CCDC30: variants seen among roughly 807,000 people sequenced by gnomAD.
CCDC30 encodes coiled-coil domain-containing protein 30.
In CCDC30, 70 loss-of-function variants were observed where a neutral mutation model predicts 100.2. The ratio of observed to expected loss-of-function variants is 0.70; its 90% CI spans 0.58 to 0.85. The LOEUF (loss-of-function observed/expected upper bound fraction) is 0.85. Ranked by LOEUF, CCDC30 falls within the 40% of genes least tolerant of loss-of-function variation. The pLI is 0.00. For synonymous variants in CCDC30, 233 were observed against 269.5 expected, an observed-to-expected ratio of 0.86 and a Z score of 1.33; for missense variants, 652 against 771.2, an observed-to-expected ratio of 0.85 and a Z score of 1.83.
chr1:42,588,919 G>A (rs1646128923), intron 9 of CCDC30, among the ~76,000 whole-genome samples: 1 of 151,584 alleles, frequency 6.6e-6, no homozygotes, highest in South Asian at 2.1e-4. Flanking sequence ...CAGTGTTAAT[G>A]TGTGCTTATT....
At chr1:42,525,708 AG>A (rs1402782738) in intron 6 of CCDC30, among the ~76,000 whole-genome samples, 1 of 152,196 alleles carries the variant, frequency 6.6e-6, no homozygotes, top group African/African-American at 2.4e-5. Flanking sequence ...CAGTAGGTTA[AG>A]TTACTTGCTG....
At chr1:42,540,804 G>C (rs745369993) in intron 6 of CCDC30, among the ~76,000 whole-genome samples, 1 of 152,062 alleles carries the variant, frequency 6.6e-6, no homozygotes. Flanking sequence ...CACAGTACAA[G>C]TCTCAAAATC....
intron 10 of CCDC30, 24 bp from the exon 15 acceptor site, chr1:42,610,954 T>C: frequency 8.0e-7 from 1 of 1,243,316 alleles, no homozygotes; most frequent in Non-Finnish European, 1.2e-6. Context: ...GTCAGAGTTC[T>C]CATTATTTTT....
At chr1:42,542,995 A>C (rs1169837378) in intron 6 of CCDC30, among the ~76,000 whole-genome samples, 9 of 152,132 alleles carry the variant, frequency 5.9e-5, no homozygotes, top group Admixed American at 5.9e-4. Flanking sequence ...GCATTTTGGA[A>C]TATTTTTTCC....
At chr1:42,627,165 T>G (rs1361432026) in intron 11 of CCDC30, among the ~76,000 whole-genome samples, 1 of 152,170 alleles carries the variant, frequency 6.6e-6, no homozygotes, top group Non-Finnish European at 1.5e-5. Flanking sequence ...GATGAGGAAC[T>G]TGTTGGGAAC....
intron 3 of CCDC30, among the ~76,000 whole-genome samples, chr1:42,489,726 A>C (rs937992794): frequency 1.3e-5 from 2 of 152,116 alleles, no homozygotes; most frequent in African/African-American, 4.8e-5. Context: ...TATTTCCTGA[A>C]ATTTTGTTAT....
chr1:42,476,022 A>G (rs1234138130), intron 1 of CCDC30, among the ~76,000 whole-genome samples: 1 of 152,244 alleles, frequency 6.6e-6, no homozygotes, highest in Non-Finnish European at 1.5e-5. Context: ...TCAATCTCTC[A>G]TATACTGAAT....
chr1:42,574,585 C>T (rs1418802999), intron 7 of CCDC30, among the ~76,000 whole-genome samples: 1 of 152,052 alleles, frequency 6.6e-6, no homozygotes, highest in Admixed American at 6.6e-5. Flanking sequence ...CAAATTTTAG[C>T]TTGTTGATCC....
upstream of CCDC30, chr1:42,460,554 A>G (rs147625771): frequency 4.2e-3 from 819 of 195,978 alleles, 5 homozygotes; most frequent in African/African-American, 0.018. Flanking sequence ...TGTTTGGGTA[A>G]TAGTTTACAT....
At chr1:42,461,662 T>A (rs1168979570), upstream of CCDC30, among the ~76,000 whole-genome samples, 1 of 151,470 alleles carries the variant, frequency 6.6e-6, no homozygotes, top group African/African-American at 2.4e-5. Context: ...TTCTCCTTCC[T>A]CAGCCTCCCT....
At chr1:42,542,398 C>T (rs1263613881) in intron 6 of CCDC30, among the ~76,000 whole-genome samples, 3 of 151,978 alleles carry the variant, frequency 2.0e-5, no homozygotes, top group African/African-American at 7.3e-5. Flanking sequence ...GATGAGGTCT[C>T]TCTATCACCC....
intron 1 of CCDC30, 46 bp downstream of exon 1, chr1:42,463,944 T>G (rs1463778212): frequency 1.3e-5 from 2 of 152,244 alleles, no homozygotes; most frequent in African/African-American, 4.8e-5. Flanking sequence ...TCCACTTCTC[T>G]CATCACTCCA....
chr1:42,585,327 T>A (rs1356107712), intron 9 of CCDC30, among the ~76,000 whole-genome samples: 2 of 152,134 alleles, frequency 1.3e-5, no homozygotes, highest in Non-Finnish European at 2.9e-5. Context: ...CTCAAGTTCC[T>A]GCATTCAAGT....
chr1:42,540,455 A>G (rs956367240), intron 6 of CCDC30, among the ~76,000 whole-genome samples: 29 of 152,260 alleles, frequency 1.9e-4, no homozygotes, highest in Admixed American at 5.2e-4. Context: ...AATGAGAAGA[A>G]TATAATATAA....
intron 8 of CCDC30, among the ~76,000 whole-genome samples, chr1:42,579,329 G>T (rs1478383079): frequency 6.6e-6 from 1 of 151,804 alleles, no homozygotes. Context: ...GCGAGGCGAG[G>T]CAAGTGGCCA....
At chr1:42,522,910 CTG>C (rs1256104082) in intron 6 of CCDC30, among the ~76,000 whole-genome samples, 1 of 152,044 alleles carries the variant, frequency 6.6e-6, no homozygotes, top group Non-Finnish European at 1.5e-5. Flanking sequence ...GAGTCTCACT[CTG>C]TTGCCCAGGC....
intron 6 of CCDC30, among the ~76,000 whole-genome samples, chr1:42,540,333 C>G (rs1455546850): frequency 6.6e-6 from 1 of 152,068 alleles, no homozygotes; most frequent in African/African-American, 2.4e-5. Flanking sequence ...TAATATACAA[C>G]TAAGCCTTTT....
intron 6 of CCDC30, among the ~76,000 whole-genome samples, chr1:42,563,539 A>G (rs1645539815): frequency 6.6e-6 from 1 of 152,178 alleles, no homozygotes; most frequent in Non-Finnish European, 1.5e-5. Flanking sequence ...TCTATGTAAC[A>G]AACCTGCACA....
intron 7 of CCDC30, 67 bp from the exon 12 acceptor site, chr1:42,576,953 C>A: frequency 8.4e-7 from 1 of 1,193,308 alleles, no homozygotes; most frequent in Non-Finnish European, 1.2e-6. Context: ...CCTTTGAAAG[C>A]TGCTTATTCT....
Sources: allele counts gnomAD v4.1 joint callset (sites outside exome capture counted in the v4.1 genomes callset), GRCh38; gene constraint gnomAD v4.1.1; transcripts MANE v1.5; gene names NCBI Gene and HGNC (gene_info 2026-07-23, HGNC 2026-07-21).